The following LHFPL3 variants were observed in gnomAD, a reference collection of about 807,000 sequenced individuals.
LHFPL3 encodes the protein LHFPL tetraspan subfamily member 3 protein.
A neutral mutation model predicts 19.3 loss-of-function variants in LHFPL3; 5 were observed. That is an observed-to-expected ratio of 0.26 (90% CI 0.14 to 0.54). The LOEUF is 0.54. Among genes scored for constraint, LHFPL3 ranks in the 20% least tolerant of loss-of-function variants. The pLI is 0.94. For missense variants in LHFPL3, 249 were observed against 307.4 expected, an observed-to-expected ratio of 0.81 and a Z score of 1.42; for synonymous variants, 133 against 126.2, an observed-to-expected ratio of 1.05 and a Z score of -0.36.
At chr7:104,400,425 G>C in intron 1 of LHFPL3, among the ~76,000 whole-genome samples, 1 of 152,102 alleles carries the variant, frequency 6.6e-6, no homozygotes, top group Non-Finnish European at 1.5e-5. Flanking sequence ...AATTCTTTCA[G>C]CTACCTATGA....
intron 1 of LHFPL3, among the ~76,000 whole-genome samples, chr7:104,345,100 C>A (rs1257299652): frequency 6.6e-6 from 1 of 152,070 alleles, no homozygotes; most frequent in East Asian, 1.9e-4. Flanking sequence ...ATAGAATCAT[C>A]TAGGCTTTTT....
intron 1 of LHFPL3, among the ~76,000 whole-genome samples, chr7:104,626,376 T>C (rs906854341): frequency 6.6e-6 from 1 of 152,192 alleles, no homozygotes; most frequent in Non-Finnish European, 1.5e-5. Flanking sequence ...CAAATAGGAA[T>C]CTACAAATAA....
chr7:104,899,494 GAAGT>G (rs1172062713), intron 2 of LHFPL3, among the ~76,000 whole-genome samples: 2 of 152,146 alleles, frequency 1.3e-5, no homozygotes, highest in African/African-American at 4.8e-5. Context: ...GGCAGGAAGG[GAAGT>G]AAGGACAGAA....
chr7:104,719,394 G>C (rs1793446532), intron 1 of LHFPL3, among the ~76,000 whole-genome samples: 1 of 152,062 alleles, frequency 6.6e-6, no homozygotes, highest in Non-Finnish European at 1.5e-5. Flanking sequence ...GCCAAAAAAG[G>C]GGGATGAGTA....
intron 2 of LHFPL3, among the ~76,000 whole-genome samples, chr7:104,824,581 TAATA>T (rs1790774330): frequency 1.3e-5 from 1 of 76,900 alleles, no homozygotes; most frequent in South Asian, 3.6e-4. Flanking sequence ...ATTTTATATA[TAATA>T]TATATAATTA....
intron 2 of LHFPL3, among the ~76,000 whole-genome samples, chr7:104,838,994 G>A (rs1791148255): frequency 6.6e-6 from 1 of 152,168 alleles, no homozygotes; most frequent in Non-Finnish European, 1.5e-5. Flanking sequence ...TTCCACCAGG[G>A]AATGAATTCT....
chr7:104,454,838 T>A (rs1792509408), intron 1 of LHFPL3, among the ~76,000 whole-genome samples: 1 of 152,198 alleles, frequency 6.6e-6, no homozygotes, highest in African/African-American at 2.4e-5. Flanking sequence ...ATTCTTTAAT[T>A]CCTATGTTAT....
At chr7:104,361,434 A>G (rs1203663923) in intron 1 of LHFPL3, among the ~76,000 whole-genome samples, 1 of 152,192 alleles carries the variant, frequency 6.6e-6, no homozygotes, top group African/African-American at 2.4e-5. Flanking sequence ...AAAATCTCTC[A>G]TGACTGATTT....
At chr7:104,423,106 G>T (rs538950167) in intron 1 of LHFPL3, among the ~76,000 whole-genome samples, 1 of 152,304 alleles carries the variant, frequency 6.6e-6, no homozygotes, top group African/African-American at 2.4e-5. Context: ...AGGTCAGTGT[G>T]TCAGGAGGTG....
rs1285975756 is a variant in LHFPL3, at chr7:104,328,775, G to C, written c.-5G>C. 4 of 1,577,954 alleles carry C rather than the reference G, an allele frequency of 2.5e-6. No homozygotes were observed. Among genetic ancestry groups the C allele is most frequent in the Non-Finnish European group, 3.4e-6 (4 of 1,162,724 alleles). The stretch of plus-strand genomic sequence containing the variant: ...AGGAGGAGGAGGAGGAGGAGGAGGG[G>C]GAGAATGCCCGGAGCCGCCGCCGCT... On this transcript the variant is annotated 5_prime_UTR_variant, in exon 1 of 3. Coordinates refer to ENST00000424859, the MANE Select transcript of LHFPL3 (RefSeq NM_199000.3). This position sits in a 1 kb window ranked among gnomAD's most constrained non-coding sequence, Gnocchi z 4.6.
intron 1 of LHFPL3, among the ~76,000 whole-genome samples, chr7:104,711,953 T>C (rs1022561158): frequency 6.6e-6 from 1 of 152,212 alleles, no homozygotes; most frequent in Non-Finnish European, 1.5e-5. Context: ...TTATGTGGTA[T>C]ACAGAATAAT....
intron 2 of LHFPL3, among the ~76,000 whole-genome samples, chr7:104,740,504 C>G (rs1357529027): frequency 6.6e-6 from 1 of 152,094 alleles, no homozygotes. Context: ...TCTCACGCTG[C>G]TAATAAAGAC....
chr7:104,521,721 T>G (rs1041703075), intron 1 of LHFPL3, among the ~76,000 whole-genome samples: 65 of 152,110 alleles, frequency 4.3e-4, no homozygotes, highest in African/African-American at 1.3e-3. Flanking sequence ...CAAAAAGTGG[T>G]CGAAGGACAT....
rs937754019 is a variant in LHFPL3 at position 104,644,822 on chromosome 7, C to A, written c.446-91853C>A. ...CGGCCCTGCTGAACGTAAGTATCAC[C>A]TTGAGGAGCTTTTAAACTACAGGAG... On this transcript the variant is annotated intron_variant, in intron 1 of 2. Transcript: ENST00000424859. Among the ~76,000 whole-genome samples the A allele has an allele frequency of 3.9e-5, 6 of 152,156 alleles. No homozygotes were observed. The South Asian group carries it at 1.2e-3, about 32-fold the overall frequency.
intron 2 of LHFPL3, among the ~76,000 whole-genome samples, chr7:104,810,557 G>C (rs1224969928): frequency 6.6e-6 from 1 of 152,158 alleles, no homozygotes; most frequent in Admixed American, 6.5e-5. Flanking sequence ...GGGCATCAGT[G>C]GGGTAGCAAG....
chr7:104,864,809 G>GC (rs1791689563), intron 2 of LHFPL3, among the ~76,000 whole-genome samples: 1 of 152,158 alleles, frequency 6.6e-6, no homozygotes, highest in African/African-American at 2.4e-5. Flanking sequence ...GTGGGTCCCT[G>GC]CCCCCCAAGT....
In LHFPL3 at chr7:104,571,601, C is replaced by A. The variant is rs116042641; in HGVS notation, c.446-165074C>A. ...AATGATGCCAAATCCACTGATGGGT[C>A]GGGTTATATGAAAATTGCTCCTTGG... On this transcript the variant is annotated intron_variant, in intron 1 of 2. Transcript: ENST00000424859. Among the ~76,000 whole-genome samples the A allele has an allele frequency of 9.8e-3, 1,493 of 152,236 alleles. 27 individuals carry two copies. The highest frequency in any genetic ancestry group is 0.034 in the African/African-American group (1,412 of 41,548).
chr7:104,602,305 G>C (rs2115702198), intron 1 of LHFPL3, among the ~76,000 whole-genome samples: 1 of 152,236 alleles, frequency 6.6e-6, no homozygotes, highest in Admixed American at 6.5e-5. Flanking sequence ...ACAGGTGTGA[G>C]CCGCTGCGCC....
At chr7:104,558,597 A>G in intron 1 of LHFPL3, among the ~76,000 whole-genome samples, 1 of 150,634 alleles carries the variant, frequency 6.6e-6, no homozygotes, top group African/African-American at 2.5e-5. Flanking sequence ...TCAGATAAGT[A>G]GGTTGCGAAA....
Sources: allele counts gnomAD v4.1 joint callset (sites outside exome capture counted in the v4.1 genomes callset), GRCh38; gene constraint gnomAD v4.1.1; non-coding constraint Gnocchi (gnomAD v3.1); transcripts MANE v1.5; gene names NCBI Gene and HGNC (gene_info 2026-07-23, HGNC 2026-07-21).